The following NEBL variants were observed in gnomAD, a reference collection of about 807,000 sequenced individuals.
NEBL encodes LIM and SH3 protein 2.
NEBL carries 122 observed loss-of-function variants against 140.2 expected under a neutral mutation model. That is an observed-to-expected ratio of 0.87 (90% CI 0.75 to 1.01). The LOEUF (loss-of-function observed/expected upper bound fraction) is 1.01, where lower values mean the gene tolerates loss of function less well. Among genes scored for constraint, NEBL ranks in the 50% least tolerant of loss-of-function variants. NEBL has a pLI of 0.00. For missense variants in NEBL, 1,365 were observed against 1,231.3 expected (o/e 1.11, Z -1.62); for synonymous variants, 436 against 398.9 (o/e 1.09, Z -1.11).
intron 2 of NEBL, among the ~76,000 whole-genome samples, chr10:21,167,501 C>A (rs1840829028): frequency 6.6e-6 from 1 of 152,146 alleles, no homozygotes; most frequent in South Asian, 2.1e-4. Context: ...CTTGGTGGCA[C>A]CCCAGACCTA....
chr10:21,188,525 C>G (rs1418795163), intron 3 of NEBL, among the ~76,000 whole-genome samples: 2 of 151,486 alleles, frequency 1.3e-5, no homozygotes, highest in Non-Finnish European at 2.9e-5. Context: ...AGCAAAATGC[C>G]TAAGTATAAT....
At chr10:21,057,188 T>C (rs377240146) in intron 2 of NEBL, among the ~76,000 whole-genome samples, 11 of 152,136 alleles carry the variant, frequency 7.2e-5, no homozygotes, top group African/African-American at 2.6e-4. Context: ...TTATTTAAAA[T>C]AACAGAGAGG....
At chr10:21,113,421 C>T (rs1242731111) in intron 2 of NEBL, 1 of 420,818 alleles carries the variant, frequency 2.4e-6, no homozygotes, top group Non-Finnish European at 4.5e-6. Context: ...AAGCCAAGTT[C>T]ATCAATTATG....
intron 4 of NEBL, among the ~76,000 whole-genome samples, chr10:20,919,665 C>A (rs1389595447): frequency 6.6e-6 from 1 of 152,030 alleles, no homozygotes; most frequent in African/African-American, 2.4e-5. Context: ...ATTTCTCATG[C>A]CTCACACCAA....
chr10:20,803,812 A>AT (rs1564338203), intron 26 of NEBL, among the ~76,000 whole-genome samples: 4 of 143,586 alleles, frequency 2.8e-5, no homozygotes, highest in South Asian at 2.2e-4. Context: ...CTGTACGAAA[A>AT]ATATATATAT....
At chr10:21,187,253 T>C (rs1021096138) in intron 3 of NEBL, among the ~76,000 whole-genome samples, 1 of 152,124 alleles carries the variant, frequency 6.6e-6, no homozygotes, top group African/African-American at 2.4e-5. Flanking sequence ...TATGAGTCAA[T>C]TAAATCTCTT....
At chr10:21,161,488 G>A (rs1176415839) in intron 2 of NEBL, among the ~76,000 whole-genome samples, 1 of 152,134 alleles carries the variant, frequency 6.6e-6, no homozygotes, top group Non-Finnish European at 1.5e-5. Context: ...CACACAGCAC[G>A]TGTGCTTGTA....
At chr10:20,877,301 G>A (rs1046737094) in intron 5 of NEBL, among the ~76,000 whole-genome samples, 4 of 152,194 alleles carry the variant, frequency 2.6e-5, no homozygotes, top group South Asian at 2.1e-4. Context: ...GAGACATTAA[G>A]TAACTCATCC....
intron 2 of NEBL, among the ~76,000 whole-genome samples, chr10:21,074,576 C>T (rs1835976267): frequency 6.6e-6 from 1 of 150,378 alleles, no homozygotes; most frequent in Non-Finnish European, 1.5e-5. Context: ...CTCCTGGGTT[C>T]AAGCGATTCT....
chr10:21,110,648 T>A (rs919776288), intron 2 of NEBL: 1 of 395,164 alleles, frequency 2.5e-6, no homozygotes, highest in Middle Eastern at 8.8e-4. Flanking sequence ...TCTCCATCCA[T>A]CTTCTCTCCT....
chr10:20,999,540 A>C (rs967108850), intron 3 of NEBL, among the ~76,000 whole-genome samples: 3 of 152,210 alleles, frequency 2.0e-5, no homozygotes, highest in Admixed American at 6.5e-5. Context: ...TTGAGGCTGC[A>C]GTGAGCTGTG....
intron 2 of NEBL, chr10:21,125,901 C>G (rs565525332): frequency 6.2e-7 from 1 of 1,614,088 alleles, no homozygotes; most frequent in South Asian, 1.1e-5. Context: ...ATCCATGCTT[C>G]CCTTTGGTTA....
chr10:21,260,613 T>A (rs756752322), intron 1 of NEBL, among the ~76,000 whole-genome samples: 2 of 152,138 alleles, frequency 1.3e-5, no homozygotes, highest in African/African-American at 4.8e-5. Flanking sequence ...TCCCCTGTTT[T>A]CCCTTTCCAA....
chr10:21,163,053 A>C (rs1174685430), intron 2 of NEBL, among the ~76,000 whole-genome samples: 1 of 152,218 alleles, frequency 6.6e-6, no homozygotes, highest in Non-Finnish European at 1.5e-5. Context: ...TATTATACCC[A>C]TTTTACAGAT....
At chr10:20,840,998 A>G in intron 12 of NEBL, 149 bp from the exon 13 acceptor site, 1 of 632,334 alleles carries the variant, frequency 1.6e-6, no homozygotes, top group Non-Finnish European at 2.8e-6. Context: ...CTTTTTTCCT[A>G]CAGACACTTC....
intron 2 of NEBL, among the ~76,000 whole-genome samples, chr10:21,042,160 G>C (rs959007945): frequency 1.3e-5 from 2 of 152,132 alleles, no homozygotes; most frequent in Non-Finnish European, 2.9e-5. Flanking sequence ...CACTTAGTAC[G>C]GTGCTAGGTA....
intron 2 of NEBL, among the ~76,000 whole-genome samples, chr10:21,139,615 A>T (rs1429172392): frequency 6.6e-6 from 1 of 152,130 alleles, no homozygotes; most frequent in Non-Finnish European, 1.5e-5. Flanking sequence ...TGGTTCCTCA[A>T]CCCCAAATCT....
intron 2 of NEBL, among the ~76,000 whole-genome samples, chr10:21,156,281 T>C (rs1285387713): frequency 6.6e-6 from 1 of 152,204 alleles, no homozygotes; most frequent in East Asian, 1.9e-4. Context: ...GGCAAAAAAG[T>C]ACAAATGTGC....
intron 4 of NEBL, among the ~76,000 whole-genome samples, chr10:20,923,460 C>T (rs888803568): frequency 2.2e-4 from 33 of 151,732 alleles, no homozygotes; most frequent in African/African-American, 6.8e-4. Flanking sequence ...GGGTGGATCA[C>T]GAGGTCAGGA....
Sources: allele counts gnomAD v4.1 joint callset (sites outside exome capture counted in the v4.1 genomes callset), GRCh38; gene constraint gnomAD v4.1.1; transcripts MANE v1.5; gene names NCBI Gene and HGNC (gene_info 2026-07-23, HGNC 2026-07-21).